Variants in ZNF320 observed in about 807,000 individuals in gnomAD.
The protein encoded by ZNF320 is zinc finger protein 320.
ZNF320 carries 2 observed loss-of-function variants against 6.8 expected under a neutral mutation model. That is an observed-to-expected ratio of 0.29 (90% CI 0.12 to 0.93). The LOEUF (loss-of-function observed/expected upper bound fraction) is 0.93, where lower values mean the gene tolerates loss of function less well. Ranked by LOEUF, ZNF320 falls within the 40% of genes least tolerant of loss-of-function variation. ZNF320 has a pLI of 0.55. For synonymous variants in ZNF320, 208 were observed against 203.2 expected (o/e 1.02, Z -0.20); for missense variants, 472 against 611.0 (o/e 0.77, Z 2.40).
rs549266747 is a variant in ZNF320, at chr19:52,879,045, T to C, written c.*1551A>G. 6.6e-6 allele frequency: 1 copy of C among 152,334 alleles called. No homozygotes were observed. Among genetic ancestry groups the C allele is most frequent in the East Asian group, 1.9e-4 (1 of 5,184 alleles). The allele number at this position is 152,334 out of a possible 1,614,324, so 9.4% of individuals were successfully genotyped here. A position where few individuals can be genotyped will look rare whatever the true frequency, so the allele number is the denominator to read the frequency against. On this transcript the variant is annotated 3_prime_UTR_variant, in exon 6 of 6. Transcript: ENST00000682928. ...TTTAGCAGAATTTACATTGCCTTGA[T>C]TGAGTCTCTTTTCAAACTCATGTCT...
Position 52,880,628 on chromosome 19 carries a change from T to G in ZNF320, c.1498A>C (p.Asn500His), listed in dbSNP as rs757128093. 2.7e-5 allele frequency: 43 copies of G among 1,612,272 alleles called. No individual in the cohort carries two copies. The change falls in exon 6 of 6, where the codon AAT (asparagine) becomes CAT (histidine). Residue 500 changes from asparagine (N) to histidine (H), a missense_variant. Physicochemically the swap from Asn to His is moderately conservative, Grantham distance 68 (BLOSUM62 1). Transcript: ENST00000682928. ...IPFGDNCFKC[N>H]EYSKPSSIN ...ATGCTTGATGGTTTGCTATACTCAT[T>G]GCACTTGAAACAATTGTCTCCAAAA...
rs67704458 is a variant in ZNF320, at chr19:52,891,309, G to C, written c.-154C>G. The C allele has an allele frequency of 6.6e-6, 1 of 151,626 alleles. No homozygotes were observed. The highest frequency in any genetic ancestry group is 2.1e-4 in the South Asian group (1 of 4,822). 9.4% of individuals were successfully genotyped at this position (151,626 alleles called of 1,614,324 possible). ...CAGAGGTTGCAGTGAGCCAAGATCA[G>C]GAGACTGCACTCACAGCCTGAAGGA... On this transcript the variant is annotated 5_prime_UTR_variant, in exon 3 of 6. Transcript: ENST00000682928.
In ZNF320 at chr19:52,865,604, TGA is replaced by T. The variant is rs1211794092; in HGVS notation, c.224-1447_224-1446del. Among the ~76,000 whole-genome samples, 516 of 121,736 alleles carry T rather than the reference TGA, an allele frequency of 4.2e-3. 21 individuals carry two copies. Among genetic ancestry groups the T allele is most frequent in the African/African-American group, 0.017 (493 of 28,346 alleles). 79.9% of individuals were successfully genotyped at this position (121,736 alleles called of 152,430 possible). A position where few individuals can be genotyped will look rare whatever the true frequency, so the allele number is the denominator to read the frequency against. ...ATATGATTATACATATATTTATATATGAGATTATACATATATATTTATATATG... is the reference window on the plus strand; with the variant it reads ...ATATGATTATACATATATTTATATATGATTATACATATATATTTATATATG... On this transcript the variant is annotated intron_variant, in intron 5 of 5. Transcript: ENST00000673631.
rs143431964 is a variant in ZNF320 at position 52,888,856 on chromosome 19, T to C, written c.16-603A>G. On this transcript the variant is annotated intron_variant, in intron 4 of 5. Coordinates refer to ENST00000682928, the MANE Select transcript of ZNF320 (RefSeq NM_001351774.2). ...GTGTGTGTATGTGTGTGGGGATGTG[T>C]ATGCATATACATATATAGGTTTTAC... is the stretch of plus-strand genomic sequence containing the variant. 4.9e-4 allele frequency among the ~76,000 whole-genome samples: 74 copies of C among 152,288 alleles called. 1 individual carries two copies. The highest frequency in any genetic ancestry group is 1.7e-3 in the African/African-American group (71 of 41,564).
chr19:52,862,282 G>A (rs1286099828), exon 6 of ZNF320: 2 of 650,466 alleles, frequency 3.1e-6, no homozygotes, highest in Admixed American at 2.1e-5. Flanking sequence ...TTCTCTCCAG[G>A]GTGAATTCTA....
upstream of ZNF320, among the ~76,000 whole-genome samples, chr19:52,898,763 A>T (rs1399037104): frequency 6.6e-6 from 1 of 152,228 alleles, no homozygotes. Flanking sequence ...AGAGAGAAAC[A>T]GAACAGAGCG....
downstream of ZNF320, among the ~76,000 whole-genome samples, chr19:52,874,844 G>T (rs377492972): frequency 6.6e-6 from 1 of 152,234 alleles, no homozygotes; most frequent in South Asian, 2.1e-4. Flanking sequence ...CAGCTGAGGG[G>T]CCAGAGAGTC....
At chr19:52,882,960 A>C (rs950411016) in intron 5 of ZNF320, among the ~76,000 whole-genome samples, 3 of 152,002 alleles carry the variant, frequency 2.0e-5, no homozygotes, top group African/African-American at 4.8e-5. Context: ...AGAAAATGTT[A>C]ATAGCATATT....
chr19:52,863,052 T>A (rs1240855261), exon 6 of ZNF320, among the ~76,000 whole-genome samples: 1 of 152,076 alleles, frequency 6.6e-6, no homozygotes, highest in African/African-American at 2.4e-5. Flanking sequence ...AACTGCCTCC[T>A]GGGCTCAAGC....
chr19:52,865,324 A>AAT (rs539862806), intron 5 of ZNF320: 180 of 289,032 alleles, frequency 6.2e-4, no homozygotes, highest in South Asian at 1.5e-3. Flanking sequence ...CCCCATTTCA[A>AAT]ATATATATAT....
Position 52,880,544 on chromosome 19 carries a change from A to G in ZNF320, c.*52T>C, listed in dbSNP as rs1440205325. 3 of 1,507,870 alleles carry G rather than the reference A, an allele frequency of 2.0e-6. No homozygotes were observed. The highest frequency in any genetic ancestry group is 2.8e-5 in the African/African-American group (2 of 71,908). The allele number at this position is 1,507,870 out of a possible 1,614,324, so 93.4% of individuals were successfully genotyped here. Reference sequence around the variant, plus strand: ...CAGTTTAATGTCGATTAATGCTTGAAATCAATGTTAAGTCAACTCAAACTC... The same window carrying G: ...CAGTTTAATGTCGATTAATGCTTGAGATCAATGTTAAGTCAACTCAAACTC... On this transcript the variant is annotated 3_prime_UTR_variant, in exon 6 of 6. Coordinates refer to ENST00000682928, the MANE Select transcript of ZNF320 (RefSeq NM_001351774.2).
At position 52,878,175 on chromosome 19, in the gene ZNF320, C is replaced by T. The variant is rs947913306; in HGVS notation, c.*2421G>A. ...ATCCAGCTTGGCTCTTCTCCAGTGT[C>T]GTCTTTGACAGTTGTACCTATAAAA... On this transcript the variant is annotated 3_prime_UTR_variant, in exon 6 of 6. Transcript: ENST00000682928. 4 of 204,326 alleles carry T rather than the reference C, an allele frequency of 2.0e-5. No homozygotes were observed. The highest frequency in any genetic ancestry group is 4.2e-5 in the Non-Finnish European group (4 of 95,994). The allele number at this position is 204,326 out of a possible 1,614,324, so 12.7% of individuals were successfully genotyped here.
chr19:52,877,567 C>T lies in ZNF320; in HGVS notation c.*3029G>A, dbSNP rs1302728545. 1.3e-5 allele frequency: 2 copies of T among 152,152 alleles called. No individual in the cohort carries two copies. The highest frequency in any genetic ancestry group is 2.4e-5 in the African/African-American group (1 of 41,420). The allele number at this position is 152,152 out of a possible 1,614,324, so 9.4% of individuals were successfully genotyped here. ...GAAGATAAGCTCTCAGTTTACATCG[C>T]CAGGGTGAAATTCAACAGAACTATT... On this transcript the variant is annotated 3_prime_UTR_variant, in exon 6 of 6. Transcript: ENST00000682928.
rs1047816749 is a variant in ZNF320, at chr19:52,877,464, C to T, written c.*3132G>A. 4.6e-5 allele frequency: 7 copies of T among 152,132 alleles called. No individual in the cohort carries two copies. The highest frequency in any genetic ancestry group is 1.7e-4 in the African/African-American group (7 of 41,422). 9.4% of individuals were successfully genotyped at this position (152,132 alleles called of 1,614,324 possible). ...CTGGCTCAGGGACCCTGTATTTTTA[C>T]ATAAATAGGGCAAGGGAAGCAATCA... is the stretch of plus-strand genomic sequence containing the variant. On this transcript the variant is annotated 3_prime_UTR_variant, in exon 6 of 6. Transcript: ENST00000682928.
chr19:52,872,646 T>C (rs1198250905), downstream of ZNF320, among the ~76,000 whole-genome samples: 1 of 152,100 alleles, frequency 6.6e-6, no homozygotes, highest in Non-Finnish European at 1.5e-5. Flanking sequence ...GAACTACAGG[T>C]GCCCACCACC....
At chr19:52,892,736 T>C (rs1393807636) in intron 2 of ZNF320, among the ~76,000 whole-genome samples, 1 of 151,380 alleles carries the variant, frequency 6.6e-6, no homozygotes, top group Non-Finnish European at 1.5e-5. Flanking sequence ...CCTGTTAAAT[T>C]GTCTCTTCCT....
chr19:52,869,887 T>C (rs1390090449), intron 5 of ZNF320, among the ~76,000 whole-genome samples: 1 of 151,994 alleles, frequency 6.6e-6, no homozygotes, highest in Non-Finnish European at 1.5e-5. Flanking sequence ...GGCTAATGTT[T>C]TTTGTATTTC....
chr19:52,876,108 G>T (rs990521916), downstream of ZNF320: 4 of 152,160 alleles, frequency 2.6e-5, no homozygotes, highest in African/African-American at 9.7e-5. Context: ...AACTTGAGGG[G>T]AAAGCTTATT....
Position 52,878,095 on chromosome 19 carries a change from C to A in ZNF320, c.*2501G>T, listed in dbSNP as rs73576587. 5.9e-4 allele frequency: 121 copies of A among 205,704 alleles called. No individual in the cohort carries two copies. The highest frequency in any genetic ancestry group is 2.7e-3 in the African/African-American group (118 of 43,052). The allele number at this position is 205,704 out of a possible 1,614,324, so 12.7% of individuals were successfully genotyped here. A position where few individuals can be genotyped will look rare whatever the true frequency, so the allele number is the denominator to read the frequency against. ...TTTTCAGCTTGATATGGTAACGTGA[C>A]TGAATCTTCAGACAGCATGAATATG... On this transcript the variant is annotated 3_prime_UTR_variant, in exon 6 of 6. Transcript: ENST00000682928.
Sources: gnomAD v4.1 joint callset for allele counts (sites outside exome capture counted in the v4.1 genomes callset) on GRCh38, gnomAD v4.1.1 for gene constraint, MANE v1.5 for transcripts, NCBI Gene and HGNC (gene_info 2026-07-23, HGNC 2026-07-21) for gene names.